Variants in SBNO2 observed in about 807,000 individuals in gnomAD.
SBNO2 encodes strawberry notch homolog 2.
In SBNO2, 89 loss-of-function variants were observed where a neutral mutation model predicts 146.3. The ratio of observed to expected loss-of-function variants is 0.61; its 90% confidence interval spans 0.51 to 0.73. The LOEUF (loss-of-function observed/expected upper bound fraction) is 0.73, where lower values mean the gene tolerates loss of function less well. Among genes scored for constraint, SBNO2 ranks in the 30% least tolerant of loss-of-function variants. SBNO2 has a pLI of 0.00. For missense variants in SBNO2, 2,092 were observed against 2,003.7 expected, an observed-to-expected ratio of 1.04 and a Z score of -0.84; for synonymous variants, 1,147 against 892.6, an observed-to-expected ratio of 1.29 and a Z score of -5.08.
At chr19:1,115,739 T>C (rs2079822646) in intron 17 of SBNO2, 1 of 535,342 alleles carries the variant, frequency 1.9e-6, no homozygotes, top group South Asian at 2.2e-5. Flanking sequence ...GGGAGGGGTC[T>C]CGCTCAGCAC....
At chr19:1,111,432 G>T in intron 24 of SBNO2, 74 bp downstream of exon 24, 1 of 1,039,174 alleles carries the variant, frequency 9.6e-7, no homozygotes, top group Non-Finnish European at 1.5e-6. Context: ...AAAGCCTGCT[G>T]CCCCAGCTGC....
intron 1 of SBNO2, among the ~76,000 whole-genome samples, chr19:1,160,554 C>A (rs565099156): frequency 6.6e-6 from 1 of 152,102 alleles, no homozygotes. Flanking sequence ...CTGCAGCCTT[C>A]GCCTCCTGGG....
Position 1,140,222 on chromosome 19 carries a change from C to T in SBNO2, c.279+7087G>A, listed in dbSNP as rs2080122154. 6.6e-6 allele frequency among the ~76,000 whole-genome samples: 1 copy of T among 151,906 alleles called. No individual in the cohort carries two copies. Among genetic ancestry groups the T allele is most frequent in the South Asian group, 2.1e-4 (1 of 4,818 alleles). On this transcript the variant is annotated intron_variant, in intron 4 of 31. Transcript: ENST00000361757. The surrounding 1 kb of genome is among the most constrained non-coding windows in gnomAD (Gnocchi z 4.4). ...GGCTGAGGCGGGAGAATGGCATGAA[C>T]CCAGGAGGCGTTGGTTGCAGTGAGC...
intron 1 of SBNO2, among the ~76,000 whole-genome samples, chr19:1,171,614 G>C (rs892125337): frequency 1.3e-5 from 2 of 152,160 alleles, no homozygotes; most frequent in Non-Finnish European, 1.5e-5. Flanking sequence ...CTCTTTGTTC[G>C]GGGCAGAGCT....
chr19:1,117,058 C>T (rs1233316572), intron 15 of SBNO2, 132 bp from the exon 16 acceptor site: 7 of 886,786 alleles, frequency 7.9e-6, no homozygotes, highest in Middle Eastern at 3.1e-4. Context: ...GGAGGGGCCA[C>T]GGCCCCCCTA....
chr19:1,170,710 G>A (rs2080469105), intron 1 of SBNO2, among the ~76,000 whole-genome samples: 1 of 152,146 alleles, frequency 6.6e-6, no homozygotes, highest in Admixed American at 6.5e-5. Flanking sequence ...AAGCAGGGGT[G>A]CATGAGAACA....
chr19:1,164,695 A>G (rs375614043), intron 1 of SBNO2, among the ~76,000 whole-genome samples: 98 of 1,036 alleles, frequency 0.095, no homozygotes, highest in African/African-American at 0.12. Context: ...AGGAGGAGGA[A>G]GAACAGGAGG....
chr19:1,164,638 G>A (rs1199741451), intron 1 of SBNO2, among the ~76,000 whole-genome samples: 2 of 147,994 alleles, frequency 1.4e-5, no homozygotes, highest in African/African-American at 2.5e-5. Context: ...AGGAGGAGGA[G>A]GAGGAGGAAC....
chr19:1,138,629 C>T (rs182186855), intron 4 of SBNO2, among the ~76,000 whole-genome samples: 1 of 152,008 alleles, frequency 6.6e-6, no homozygotes, highest in East Asian at 1.9e-4. Context: ...CCATCACGGA[C>T]ACACAGACAG....
At position 1,116,744 on chromosome 19, in the gene SBNO2, G is replaced by A. The variant is rs1292152806; in HGVS notation, c.1802+85C>T. On this transcript the variant is annotated intron_variant, in intron 16 of 31. Coordinates refer to ENST00000361757, the MANE Select transcript of SBNO2 (RefSeq NM_014963.3). Reference sequence around the variant, plus strand: ...GCACCTCCTGCTGCTGGGGCCAAGGGGCAGGGTCAGGCCACAGGTGGCCAC... The same window carrying A: ...GCACCTCCTGCTGCTGGGGCCAAGGAGCAGGGTCAGGCCACAGGTGGCCAC... 27 of 1,235,938 alleles carry A rather than the reference G, an allele frequency of 2.2e-5. No individual in the cohort carries two copies. The East Asian group carries it at 5.3e-4, about 24-fold the overall frequency. 76.6% of individuals were successfully genotyped at this position (1,235,938 alleles called of 1,614,324 possible).
chr19:1,147,369 G>A lies in SBNO2; in HGVS notation c.219C>T (p.Thr73=). The A allele has an allele frequency of 5.8e-6, 9 of 1,554,422 alleles. No individual in the cohort carries two copies. The highest frequency in any genetic ancestry group is 7.8e-6 in the Non-Finnish European group (9 of 1,157,264). The change falls in exon 4 of 32, where the codon ACC becomes ACT. Residue 73 remains threonine, a synonymous_variant. Coordinates refer to ENST00000361757, the MANE Select transcript of SBNO2 (RefSeq NM_014963.3). ...SFLGSQPCPD[T]SYAPVATASS... ...AGGCGGTGGCCACGGGGGCATAGCT[G>A]GTGTCTGGGCAGGGCTGGCTGCCGA...
At chr19:1,162,031 C>G (rs1190991789) in intron 1 of SBNO2, among the ~76,000 whole-genome samples, 2 of 150,560 alleles carry the variant, frequency 1.3e-5, no homozygotes, top group Non-Finnish European at 3.0e-5. Flanking sequence ...CAGATGGCGC[C>G]TGGGGCCTTT....
Position 1,108,000 on chromosome 19 carries a change from G to A in SBNO2, c.*220C>T, listed in dbSNP as rs930336550. On this transcript the variant is annotated 3_prime_UTR_variant, in exon 32 of 32. Transcript: ENST00000361757. ...GAGCCCCTTCCTACTTGGGAGGAGA[G>A]GCACAGAGAGGGCCCTGCCACGCCC... 10 of 362,034 alleles carry A rather than the reference G, an allele frequency of 2.8e-5. No individual in the cohort carries two copies. Among genetic ancestry groups the A allele is most frequent in the African/African-American group, 1.5e-4 (7 of 45,420 alleles). The allele number at this position is 362,034 out of a possible 1,614,324, so 22.4% of individuals were successfully genotyped here.
intron 1 of SBNO2, among the ~76,000 whole-genome samples, chr19:1,167,261 G>A (rs2080434948): frequency 6.6e-6 from 1 of 152,262 alleles, no homozygotes; most frequent in African/African-American, 2.4e-5. Context: ...GTTCGCCAGT[G>A]CGGCCTGATC....
intron 4 of SBNO2, among the ~76,000 whole-genome samples, chr19:1,129,709 G>A (rs1167125869): frequency 6.6e-6 from 1 of 152,228 alleles, no homozygotes; most frequent in African/African-American, 2.4e-5. Flanking sequence ...GGGCTCCTGA[G>A]TTGGTCAAGG....
rs1325834009 is a variant in SBNO2 at position 1,109,284 on chromosome 19, C to G, written c.3348+8G>C. 1 of 1,587,508 alleles carries G rather than the reference C, an allele frequency of 6.3e-7. No homozygotes were observed. The highest frequency in any genetic ancestry group is 1.8e-5 in the Admixed American group (1 of 56,416). On this transcript the variant is annotated splice_region_variant and intron_variant, in intron 29 of 31. Transcript: ENST00000361757. The surrounding 1 kb of genome is among the most constrained non-coding windows in gnomAD (Gnocchi z 4.2). Reference sequence around the variant, plus strand: ...CCCGAGCGAAAGCTGCGCCCGGCGGCCGCCTACCCGGTGGAACTTGCGGCG... The same window carrying G: ...CCCGAGCGAAAGCTGCGCCCGGCGGGCGCCTACCCGGTGGAACTTGCGGCG...
intron 4 of SBNO2, chr19:1,128,156 A>G (rs1437667697): frequency 6.3e-6 from 3 of 474,030 alleles, no homozygotes; most frequent in South Asian, 3.1e-5. Context: ...AAAAAAATAA[A>G]CAAGCAATGG....
intron 4 of SBNO2, chr19:1,132,045 C>T: frequency 6.9e-7 from 1 of 1,455,288 alleles, no homozygotes; most frequent in Non-Finnish European, 9.2e-7. Flanking sequence ...ACCTCCCAGA[C>T]CCCTGCCCCC....
Position 1,109,011 on chromosome 19 carries a change from G to C in SBNO2, c.3426-42C>G. The C allele has an allele frequency of 6.7e-7, 1 of 1,487,624 alleles. No homozygotes were observed. The highest frequency in any genetic ancestry group is 8.9e-7 in the Non-Finnish European group (1 of 1,122,034). The allele number at this position is 1,487,624 out of a possible 1,614,324, so 92.2% of individuals were successfully genotyped here. A position where few individuals can be genotyped will look rare whatever the true frequency, so the allele number is the denominator to read the frequency against. On this transcript the variant is annotated intron_variant, in intron 30 of 31. Coordinates refer to ENST00000361757, the MANE Select transcript of SBNO2 (RefSeq NM_014963.3). The surrounding 1 kb of genome is among the most constrained non-coding windows in gnomAD (Gnocchi z 4.2). Reference sequence around the variant, plus strand: ...TCGTCTCGGCTCAGGCGGGTCCCAGGGGCCCGCAGGCTCCCCAGGTGCCCT... The same window carrying C: ...TCGTCTCGGCTCAGGCGGGTCCCAGCGGCCCGCAGGCTCCCCAGGTGCCCT...
Sources: allele counts gnomAD v4.1 joint callset (sites outside exome capture counted in the v4.1 genomes callset), GRCh38; gene constraint gnomAD v4.1.1; non-coding constraint Gnocchi (gnomAD v3.1); transcripts MANE v1.5; gene names NCBI Gene and HGNC (gene_info 2026-07-23, HGNC 2026-07-21).